Variants in ARMC3 observed in about 807,000 individuals in gnomAD.
ARMC3 encodes armadillo repeat containing 3, also known as armadillo repeat-containing protein 3.
A neutral mutation model predicts 90.3 loss-of-function variants in ARMC3; 74 were observed. The ratio of observed to expected loss-of-function variants is 0.82; its 90% confidence interval spans 0.68 to 0.99. The LOEUF (loss-of-function observed/expected upper bound fraction) is 0.99. Ranked by LOEUF, ARMC3 falls within the 50% of genes least tolerant of loss-of-function variation. The pLI, the probability that ARMC3 is intolerant of heterozygous loss-of-function variation, is 0.00. For missense variants in ARMC3, 958 were observed against 1,042.8 expected (o/e 0.92, Z 1.12); for synonymous variants, 334 against 361.8 (o/e 0.92, Z 0.87).
intron 10 of ARMC3, among the ~76,000 whole-genome samples, chr10:22,989,053 A>T (rs1836586528): frequency 6.6e-6 from 1 of 152,206 alleles, no homozygotes; most frequent in African/African-American, 2.4e-5. Context: ...CTGCGTCTTC[A>T]TACTGACCCC....
At position 22,932,024 on chromosome 10, in the gene ARMC3, G is replaced by C. The variant is rs1392279163; in HGVS notation, c.28G>C (p.Glu10Gln). MGKKIKKEV[E>Q]PPPKDVFDPL... ...GGGTAAAAAGATAAAGAAGGAAGTA[G>C]AGCCTCCTCCTAAGGATGTGGTAAG... The change falls in exon 2 of 19, where the codon GAG becomes CAG. Residue 10 changes from glutamate (E) to glutamine (Q), a missense_variant. Glu to Gln is a conservative substitution (Grantham distance 29, BLOSUM62 2). Transcript: ENST00000298032. 3 of 1,604,284 alleles carry C rather than the reference G, an allele frequency of 1.9e-6. No homozygotes were observed. The highest frequency in any genetic ancestry group is 2.5e-6 in the Non-Finnish European group (3 of 1,177,132).
rs1833951618 is a variant in ARMC3, at chr10:22,932,028, C to T, written c.32C>T (p.Pro11Leu). Reference sequence around the variant, plus strand: ...AAAAAGATAAAGAAGGAAGTAGAGCCTCCTCCTAAGGATGTGGTAAGTTTC... The same window carrying T: ...AAAAAGATAAAGAAGGAAGTAGAGCTTCCTCCTAAGGATGTGGTAAGTTTC... MGKKIKKEVE[P>L]PPKDVFDPLM... The change falls in exon 2 of 19, where the codon CCT becomes CTT. Residue 11 changes from proline (P) to leucine (L), a missense_variant. Coordinates refer to ENST00000298032, the MANE Select transcript of ARMC3 (RefSeq NM_173081.5). 1 of 1,603,422 alleles carries T rather than the reference C, an allele frequency of 6.2e-7. No homozygotes were observed. The highest frequency in any genetic ancestry group is 2.2e-5 in the East Asian group (1 of 44,608).
At position 23,006,960 on chromosome 10, in the gene ARMC3, T is replaced by C; in HGVS notation, c.1808T>C (p.Leu603Ser). 1 of 1,610,712 alleles carries C rather than the reference T, an allele frequency of 6.2e-7. No individual in the cohort carries two copies. The highest frequency in any genetic ancestry group is 1.1e-5 in the South Asian group (1 of 90,546). ...CCAAGTGACCTACGGGCTGTACTCT[T>C]AATCAACAGTAAATCTTACGTGTGA... ...QEPSDLRAVL[L>S]INSKSYVSPP... Residue 603 changes from leucine (L) to serine (S), a missense_variant, in exon 14 of 19, where the codon TTA (leucine) becomes TCA (serine). By Grantham distance (145) the Leu-to-Ser change is moderately radical. Coordinates refer to ENST00000298032, the MANE Select transcript of ARMC3 (RefSeq NM_173081.5).
At chr10:22,947,725 TTAA>T (rs1474603445) in intron 3 of ARMC3, among the ~76,000 whole-genome samples, 2 of 151,822 alleles carry the variant, frequency 1.3e-5, no homozygotes, top group Non-Finnish European at 3.0e-5. Flanking sequence ...ATATCAAATG[TTAA>T]TAATAGGGGA....
At chr10:22,944,981 A>G (rs1834469638) in intron 2 of ARMC3, among the ~76,000 whole-genome samples, 2 of 152,214 alleles carry the variant, frequency 1.3e-5, no homozygotes, top group South Asian at 4.1e-4. Context: ...TAACTTTTAT[A>G]GCTTCTAGTA....
intron 2 of ARMC3, among the ~76,000 whole-genome samples, chr10:22,933,371 C>T (rs965469079): frequency 2.0e-5 from 3 of 151,916 alleles, no homozygotes; most frequent in Admixed American, 6.6e-5. Context: ...ATTAGAATTA[C>T]GGGGCTAATA....
chr10:22,999,583 C>A (rs894500019), intron 11 of ARMC3, among the ~76,000 whole-genome samples: 2 of 152,236 alleles, frequency 1.3e-5, no homozygotes, highest in African/African-American at 4.8e-5. Context: ...CAGTGCTAAG[C>A]ACTTTACATG....
At chr10:23,037,043 T>G (rs1298105260) in intron 18 of ARMC3, among the ~76,000 whole-genome samples, 4 of 152,010 alleles carry the variant, frequency 2.6e-5, no homozygotes, top group Admixed American at 1.3e-4. Context: ...AAAAGGTGAC[T>G]TCCCAGCAGG....
At chr10:22,986,067 T>C (rs1170665) in intron 10 of ARMC3, among the ~76,000 whole-genome samples, 24,485 of 149,022 alleles carry the variant, frequency 0.16, 2,646 homozygotes, top group East Asian at 0.33. Context: ...CTGGTACACT[T>C]ATCATCATTT....
At chr10:22,965,236 G>C (rs914120831) in intron 7 of ARMC3, among the ~76,000 whole-genome samples, 1 of 152,178 alleles carries the variant, frequency 6.6e-6, no homozygotes, top group Non-Finnish European at 1.5e-5. Flanking sequence ...ATTTCTTACA[G>C]TGTAAATATA....
intron 2 of ARMC3, among the ~76,000 whole-genome samples, chr10:22,938,710 T>C (rs909703915): frequency 2.0e-5 from 3 of 152,100 alleles, no homozygotes; most frequent in African/African-American, 7.2e-5. Flanking sequence ...AAGTACAACA[T>C]ACTGAAATAG....
chr10:22,950,998 C>T (rs1017289936), intron 3 of ARMC3, among the ~76,000 whole-genome samples: 18 of 148,156 alleles, frequency 1.2e-4, no homozygotes, highest in South Asian at 1.1e-3. Context: ...AGTGCAGTGG[C>T]GCAATCTCGG....
intron 12 of ARMC3, among the ~76,000 whole-genome samples, chr10:23,002,312 T>C (rs1837336019): frequency 6.6e-6 from 1 of 152,224 alleles, no homozygotes; most frequent in Non-Finnish European, 1.5e-5. Context: ...TGATAAATGC[T>C]TCTCTTTTAC....
chr10:22,973,351 A>G (rs1402320161), intron 8 of ARMC3, among the ~76,000 whole-genome samples: 2 of 149,820 alleles, frequency 1.3e-5, no homozygotes, highest in African/African-American at 2.4e-5. Flanking sequence ...AACATCTTTG[A>G]TTTATAGTTA....
At chr10:22,948,120 G>C (rs1313649828) in intron 3 of ARMC3, among the ~76,000 whole-genome samples, 1 of 152,104 alleles carries the variant, frequency 6.6e-6, no homozygotes, top group Admixed American at 6.5e-5. Context: ...CATTCAATTA[G>C]CAAAGGGTAT....
intron 8 of ARMC3, 91 bp from the exon 9 acceptor site, chr10:22,981,249 G>T: frequency 8.2e-7 from 1 of 1,220,136 alleles, no homozygotes. Flanking sequence ...CAAATTGTTT[G>T]AATTCCTATT....
At chr10:23,033,684 A>G (rs2131575356) in intron 18 of ARMC3, among the ~76,000 whole-genome samples, 1 of 152,322 alleles carries the variant, frequency 6.6e-6, no homozygotes, top group South Asian at 2.1e-4. Context: ...AGAGGGTAAC[A>G]TCATTTTGAA....
intron 2 of ARMC3, among the ~76,000 whole-genome samples, chr10:22,945,613 A>G (rs1365407837): frequency 6.6e-6 from 1 of 152,048 alleles, no homozygotes; most frequent in East Asian, 1.9e-4. Context: ...CTGCTTTTCT[A>G]GAGTCTAGTG....
intron 10 of ARMC3, among the ~76,000 whole-genome samples, chr10:22,986,563 C>CAA (rs869131638): frequency 7.3e-5 from 8 of 109,362 alleles, no homozygotes; most frequent in Admixed American, 8.9e-5. Context: ...AAAAAAAAAA[C>CAA]AAAAAAAAAA....
Sources: allele counts gnomAD v4.1 joint callset (sites outside exome capture counted in the v4.1 genomes callset), GRCh38; gene constraint gnomAD v4.1.1; transcripts MANE v1.5; gene names NCBI Gene and HGNC (gene_info 2026-07-23, HGNC 2026-07-21).